The following SERPINB6 variants were observed in gnomAD, a reference collection of about 807,000 sequenced individuals.
SERPINB6 encodes the protein serpin family B member 6, also known as serpin B6.
SERPINB6 carries 16 observed loss-of-function variants against 26.1 expected under a neutral mutation model. The ratio of observed to expected loss-of-function variants is 0.61; its 90% CI spans 0.42 to 0.93. The LOEUF (loss-of-function observed/expected upper bound fraction) is 0.93. Among genes scored for constraint, SERPINB6 ranks in the 40% least tolerant of loss-of-function variants. The probability of loss-of-function intolerance (pLI) is 0.00; values close to 1 mark genes in which losing one functional copy is unlikely to be tolerated. For missense variants in SERPINB6, 420 were observed against 478.0 expected, an observed-to-expected ratio of 0.88 and a Z score of 1.13; for synonymous variants, 174 against 176.6, an observed-to-expected ratio of 0.99 and a Z score of 0.11.
Position 2,948,984 on chromosome 6 carries a change from A to G in SERPINB6, c.659T>C (p.Val220Ala), listed in dbSNP as rs777254485. 2.5e-6 allele frequency: 4 copies of G among 1,614,270 alleles called. No homozygotes were observed. In the East Asian group the frequency reaches 6.7e-5, roughly 27 times the overall value. The change falls in exon 6 of 7, where the codon GTG becomes GCG. Residue 220 changes from valine to alanine, a missense_variant. Val to Ala is a moderately conservative substitution (Grantham distance 64, BLOSUM62 0). Transcript: ENST00000380539. The surrounding 1 kb of genome is among the most constrained non-coding windows in gnomAD (Gnocchi z 5.0). ...YIGEIFTQIL[V>A]LPYVGKELNM... ...CAGTTCCTTGCCAACATATGGAAGC[A>G]CCAAGATTTGGGTAAATATTTCTCC...
chr6:2,971,007 T>G (rs919789842), intron 1 of SERPINB6: 1 of 1,217,836 alleles, frequency 8.2e-7, no homozygotes, highest in East Asian at 3.2e-5. Context: ...TCGGCCTCTC[T>G]CCGCCTCCCG....
At position 2,959,181 on chromosome 6, in the gene SERPINB6, G is replaced by A. The variant is rs1770824990; in HGVS notation, c.152C>T (p.Ala51Val). Residue 51 changes from alanine to valine, a missense_variant, in exon 2 of 7, where the codon GCA becomes GTA. Physicochemically the swap from Ala to Val is moderately conservative, Grantham distance 64 (BLOSUM62 0). Transcript: ENST00000380539. The part of the protein sequence containing the change: ...VYMGAKGNTA[A>V]QMAQILSFNK... ...CTGAAGCTGTACCTGGGCCATCTGT[G>A]CAGCGGTGTTTCCCTTTGCCCCCAT... 2 of 1,614,066 alleles carry A rather than the reference G, an allele frequency of 1.2e-6. No homozygotes were observed. Among genetic ancestry groups the A allele is most frequent in the African/African-American group, 1.3e-5 (1 of 74,918 alleles).
At position 2,967,601 on chromosome 6, in the gene SERPINB6, AAAAC is replaced by A. The variant is rs1255879825; in HGVS notation, c.-11+3928_-11+3931del. The A allele has an allele frequency of 1.3e-5, 2 of 152,234 alleles. No homozygotes were observed. Among genetic ancestry groups the A allele is most frequent in the African/African-American group, 2.4e-5 (1 of 41,464 alleles). The allele number at this position is 152,234 out of a possible 1,614,324, so 9.4% of individuals were successfully genotyped here. On this transcript the variant is annotated intron_variant, in intron 1 of 6. Coordinates refer to ENST00000380539, the MANE Select transcript of SERPINB6 (RefSeq NM_004568.6). This position sits in a 1 kb window ranked among gnomAD's most constrained non-coding sequence, Gnocchi z 4.3. ...GGAACTTAAACAAATTTACAAGAAG[AAAAC>A]AAACAACTCCATTAAAAAGAAGGCA...
At chr6:2,955,380 A>G (rs1290374497) in intron 3 of SERPINB6, 144 bp downstream of exon 3, 1 of 927,634 alleles carries the variant, frequency 1.1e-6, no homozygotes, top group African/African-American at 1.6e-5. Flanking sequence ...CAGAGAATTT[A>G]AAACATATTG....
chr6:2,948,627 C>A lies in SERPINB6; in HGVS notation c.802G>T (p.Glu268Ter), dbSNP rs1448411527. Residue 268 changes from glutamate to a stop codon, truncating the protein, a stop_gained, in exon 7 of 7, where the codon GAA becomes TAA. Transcript: ENST00000380539. LOFTEE classifies it low-confidence loss of function (END_TRUNC). This position sits in a 1 kb window ranked among gnomAD's most constrained non-coding sequence, Gnocchi z 5.0. ...RLDMMDEEEV[E>*]VSLPRFKLEE... ...AGTTTAAACCGCGGGAGGGACACTT[C>A]CACCTCCTCTTCATCCATCATGTCC... 1 of 1,613,994 alleles carries A rather than the reference C, an allele frequency of 6.2e-7. No homozygotes were observed. The highest frequency in any genetic ancestry group is 1.3e-5 in the African/African-American group (1 of 74,924).
In SERPINB6 at chr6:2,948,388, G is replaced by A. The variant is rs1425892805; in HGVS notation, c.1041C>T (p.Pro347=). ...GGAAGGGGTGGTCGGCGCAGAAGCG[G>A]GGGACGAATCTGGCACACCGCATCA... ...IMMMRCARFV[P]RFCADHPFLF... is the part of the protein sequence containing the mutation. The change falls in exon 7 of 7, where the codon CCC becomes CCT. Residue 347 remains proline (P), a synonymous_variant. Coordinates refer to ENST00000380539, the MANE Select transcript of SERPINB6 (RefSeq NM_004568.6). This position sits in a 1 kb window ranked among gnomAD's most constrained non-coding sequence, Gnocchi z 5.0. 4 of 1,614,072 alleles carry A rather than the reference G, an allele frequency of 2.5e-6. No homozygotes were observed. Among genetic ancestry groups the A allele is most frequent in the African/African-American group, 2.7e-5 (2 of 74,940 alleles).
chr6:2,953,428 G>C (rs1413545457), intron 4 of SERPINB6, among the ~76,000 whole-genome samples: 2 of 152,198 alleles, frequency 1.3e-5, no homozygotes, highest in East Asian at 3.8e-4. Context: ...TGCAGGATGA[G>C]TTCCTAACAC....
At chr6:2,960,158 G>A (rs1770929799) in intron 1 of SERPINB6, 1 of 153,036 alleles carries the variant, frequency 6.5e-6, no homozygotes, top group African/African-American at 2.4e-5. Context: ...TCCAGAGCAG[G>A]AATGCAGCTG....
intron 1 of SERPINB6, chr6:2,971,083 G>A (rs1435679828): frequency 8.9e-7 from 1 of 1,128,300 alleles, no homozygotes; most frequent in Non-Finnish European, 1.1e-6. Flanking sequence ...AGCGGGCGAG[G>A]GGTCACCGAG....
intron 1 of SERPINB6, among the ~76,000 whole-genome samples, chr6:2,964,390 T>C (rs900061945): frequency 8.5e-5 from 13 of 152,172 alleles, no homozygotes; most frequent in African/African-American, 1.7e-4. Context: ...AGTAATGACA[T>C]GGGAATACAC....
chr6:2,959,742 T>C, intron 1 of SERPINB6: 2 of 243,346 alleles, frequency 8.2e-6, no homozygotes, highest in Non-Finnish European at 1.6e-5. Context: ...TTGAAAAATA[T>C]TCAAAATGAT....
At chr6:2,965,398 T>C (rs1771531148) in intron 1 of SERPINB6, among the ~76,000 whole-genome samples, 1 of 151,582 alleles carries the variant, frequency 6.6e-6, no homozygotes, top group African/African-American at 2.4e-5. Flanking sequence ...ACATGGCCAA[T>C]TTATAGTTTG....
At chr6:2,951,413 AAT>A (rs1561672299) in intron 5 of SERPINB6, among the ~76,000 whole-genome samples, 4 of 151,632 alleles carry the variant, frequency 2.6e-5, no homozygotes, top group Non-Finnish European at 2.9e-5. Context: ...AAAAAAAAAA[AAT>A]AAGCATGGCT....
rs572543346 is a variant in SERPINB6 at position 2,965,692 on chromosome 6, G to A, written c.-11+5841C>T. ...ATACCTGTACTTATGTCTAGCAAAA[G>A]TTATTCATTAATATCACAGATTTAA... On this transcript the variant is annotated intron_variant, in intron 1 of 6. Coordinates refer to ENST00000380539, the MANE Select transcript of SERPINB6 (RefSeq NM_004568.6). Among the ~76,000 whole-genome samples the A allele has an allele frequency of 2.0e-5, 3 of 152,030 alleles. No individual in the cohort carries two copies. The South Asian group carries it at 6.2e-4, about 32-fold the overall frequency.
chr6:2,948,775 C>T lies in SERPINB6; in HGVS notation c.730-76G>A. On this transcript the variant is annotated intron_variant, in intron 6 of 6. Coordinates refer to ENST00000380539, the MANE Select transcript of SERPINB6 (RefSeq NM_004568.6). This position sits in a 1 kb window ranked among gnomAD's most constrained non-coding sequence, Gnocchi z 5.0. ...AGGGCCCTGTGCTATGCTGTGGATG[C>T]CAGACACCAGTGGCAGCGTGGCTAT... The T allele has an allele frequency of 6.4e-7, 1 of 1,567,394 alleles. No homozygotes were observed. Among genetic ancestry groups the T allele is most frequent in the Non-Finnish European group, 8.8e-7 (1 of 1,139,326 alleles).
In SERPINB6 at chr6:2,967,234, G is replaced by A; in HGVS notation, c.-11+4299C>T. The A allele has an allele frequency of 2.0e-6, 2 of 985,366 alleles. No homozygotes were observed. Among genetic ancestry groups the A allele is most frequent in the Non-Finnish European group, 2.4e-6 (2 of 829,912 alleles). The allele number at this position is 985,366 out of a possible 1,614,324, so 61.0% of individuals were successfully genotyped here. A position where few individuals can be genotyped will look rare whatever the true frequency, so the allele number is the denominator to read the frequency against. ...ACCCACACACAAGTTAGAAAGTTCT[G>A]CTCTGGAAGACTGAAACTGGACCCC... is the stretch of plus-strand genomic sequence containing the variant. On this transcript the variant is annotated intron_variant, in intron 1 of 6. Coordinates refer to ENST00000380539, the MANE Select transcript of SERPINB6 (RefSeq NM_004568.6). This position sits in a 1 kb window ranked among gnomAD's most constrained non-coding sequence, Gnocchi z 4.3.
rs955947070 is a variant in SERPINB6 at position 2,970,015 on chromosome 6, G to A, written c.-11+1518C>T. 3.2e-6 allele frequency: 3 copies of A among 931,788 alleles called. No homozygotes were observed. In the African/African-American group the frequency reaches 5.4e-5, roughly 17 times the overall value. 57.7% of individuals were successfully genotyped at this position (931,788 alleles called of 1,614,324 possible). A position where few individuals can be genotyped will look rare whatever the true frequency, so the allele number is the denominator to read the frequency against. On this transcript the variant is annotated intron_variant, in intron 1 of 6. Transcript: ENST00000380539. Reference sequence around the variant, plus strand: ...CCAGGTATGGAGCCCGGGAGGTGGAGGTTGCAGTCAGCCGAAATCGCACCA... The same window carrying A: ...CCAGGTATGGAGCCCGGGAGGTGGAAGTTGCAGTCAGCCGAAATCGCACCA...
chr6:2,965,059 C>G (rs1035368601), intron 1 of SERPINB6, among the ~76,000 whole-genome samples: 2 of 152,186 alleles, frequency 1.3e-5, no homozygotes, highest in Non-Finnish European at 2.9e-5. Flanking sequence ...CACAGGTTTG[C>G]TTTATTATCA....
At chr6:2,970,044 C>T (rs188380191) in intron 1 of SERPINB6, 1 of 969,194 alleles carries the variant, frequency 1.0e-6, no homozygotes, top group Admixed American at 6.5e-5. Flanking sequence ...CGCACCACTG[C>T]ACTCCAGCCT....
Sources: allele counts gnomAD v4.1 joint callset (sites outside exome capture counted in the v4.1 genomes callset), GRCh38; gene constraint gnomAD v4.1.1; non-coding constraint Gnocchi (gnomAD v3.1); transcripts MANE v1.5; gene names NCBI Gene and HGNC (gene_info 2026-07-23, HGNC 2026-07-21).